Variants in SMYD3 observed in about 807,000 individuals in gnomAD.
SMYD3 encodes the protein histone-lysine N-methyltransferase SMYD3.
A neutral mutation model predicts 57.7 loss-of-function variants in SMYD3; 36 were observed. That is an observed-to-expected ratio of 0.62 (90% CI 0.48 to 0.82). The LOEUF is 0.82. Among genes scored for constraint, SMYD3 ranks in the 40% least tolerant of loss-of-function variants. SMYD3 has a pLI of 0.00. For synonymous variants in SMYD3, 211 were observed against 195.0 expected (o/e 1.08, Z -0.68); for missense variants, 515 against 538.8 (o/e 0.96, Z 0.44).
chr1:246,192,612 T>C (rs1047782586), intron 5 of SMYD3, among the ~76,000 whole-genome samples: 3 of 152,144 alleles, frequency 2.0e-5, no homozygotes, highest in African/African-American at 4.8e-5. Context: ...TACAATAAAA[T>C]AAAATCCAAA....
chr1:246,107,472 G>T (rs1010956899), intron 5 of SMYD3, among the ~76,000 whole-genome samples: 1 of 152,192 alleles, frequency 6.6e-6, no homozygotes, highest in South Asian at 2.1e-4. Flanking sequence ...GAAAAGACTA[G>T]ACTATCAGGT....
chr1:245,823,973 G>C (rs149047175), intron 10 of SMYD3, among the ~76,000 whole-genome samples: 144 of 152,320 alleles, frequency 9.5e-4, no homozygotes, highest in African/African-American at 3.4e-3. Flanking sequence ...TGGCCAGAAT[G>C]ACAGCAGATG....
At chr1:246,232,646 C>T (rs1221910238) in intron 5 of SMYD3, among the ~76,000 whole-genome samples, 1 of 133,088 alleles carries the variant, frequency 7.5e-6, no homozygotes, top group Non-Finnish European at 1.6e-5. Context: ...ACATATTCCA[C>T]ACAGAGGAGA....
chr1:246,490,353 A>T (rs765294714), intron 1 of SMYD3, among the ~76,000 whole-genome samples: 28 of 152,206 alleles, frequency 1.8e-4, no homozygotes, highest in Non-Finnish European at 1.9e-4. Context: ...AATGTCTCAG[A>T]TGTTATCTGC....
chr1:245,867,017 T>C (rs978414664), intron 8 of SMYD3, among the ~76,000 whole-genome samples: 1 of 152,262 alleles, frequency 6.6e-6, no homozygotes, highest in African/African-American at 2.4e-5. Context: ...GTCCACATCC[T>C]GCTCTCCAAA....
At chr1:246,100,439 T>C (rs1187561534) in intron 5 of SMYD3, among the ~76,000 whole-genome samples, 2 of 152,142 alleles carry the variant, frequency 1.3e-5, no homozygotes, top group Admixed American at 1.3e-4. Context: ...CACTGGGCAA[T>C]TACCACACCA....
chr1:246,222,164 A>T (rs2063265618), intron 5 of SMYD3, among the ~76,000 whole-genome samples: 1 of 152,144 alleles, frequency 6.6e-6, no homozygotes, highest in African/African-American at 2.4e-5. Context: ...TGTATTCAGA[A>T]ATCCTGTATA....
At chr1:246,264,804 A>G (rs1404701363) in intron 5 of SMYD3, among the ~76,000 whole-genome samples, 1 of 152,202 alleles carries the variant, frequency 6.6e-6, no homozygotes, top group Admixed American at 6.5e-5. Context: ...ATCTACAAAG[A>G]AAGACAGTGG....
chr1:245,831,312 T>C (rs12752999), intron 10 of SMYD3, among the ~76,000 whole-genome samples: 80,017 of 152,134 alleles, frequency 0.53, 25,151 homozygotes, highest in Non-Finnish European at 0.72. Flanking sequence ...GACATATGCA[T>C]AGCAAGCAAT....
chr1:246,213,937 G>A (rs931933317), intron 5 of SMYD3, among the ~76,000 whole-genome samples: 21 of 152,128 alleles, frequency 1.4e-4, no homozygotes, highest in African/African-American at 3.6e-4. Flanking sequence ...CTGCTATCAA[G>A]AGCTCTGCAG....
At chr1:245,823,641 T>C (rs2049305784) in intron 10 of SMYD3, among the ~76,000 whole-genome samples, 1 of 152,218 alleles carries the variant, frequency 6.6e-6, no homozygotes, top group African/African-American at 2.4e-5. Context: ...GTTGACTCTC[T>C]CTCATCTGTT....
intron 2 of SMYD3, among the ~76,000 whole-genome samples, chr1:246,347,150 TA>T (rs954310053): frequency 1.6e-4 from 23 of 144,164 alleles, no homozygotes; most frequent in Middle Eastern, 3.5e-3. Flanking sequence ...AAAGACTTTA[TA>T]AAAAAAAAAC....
rs150436383 is a variant in SMYD3 at position 245,945,167 on chromosome 1, A to G, written c.532-15230T>C. On this transcript the variant is annotated intron_variant, in intron 5 of 11. Transcript: ENST00000490107. The stretch of plus-strand genomic sequence containing the variant: ...TCTAATTAAAGAGCTTTCGCACAGC[A>G]AAAGAAACTGTCATCAGAGCAAACA... Among the ~76,000 whole-genome samples the G allele has an allele frequency of 2.2e-3, 330 of 152,342 alleles. 2 individuals carry two copies. The highest frequency in any genetic ancestry group is 7.5e-3 in the African/African-American group (311 of 41,576).
intron 11 of SMYD3, among the ~76,000 whole-genome samples, chr1:245,758,626 T>A (rs1388547850): frequency 6.6e-6 from 1 of 152,164 alleles, no homozygotes; most frequent in Non-Finnish European, 1.5e-5. Flanking sequence ...TTATTTTGAT[T>A]ATTATATTTA....
chr1:245,862,654 C>G (rs1301640287), intron 9 of SMYD3, among the ~76,000 whole-genome samples: 1 of 152,182 alleles, frequency 6.6e-6, no homozygotes, highest in Non-Finnish European at 1.5e-5. Context: ...AAACAACACT[C>G]CAGAATGACA....
intron 10 of SMYD3, among the ~76,000 whole-genome samples, chr1:245,769,742 A>T (rs938217561): frequency 6.6e-6 from 1 of 152,234 alleles, no homozygotes; most frequent in African/African-American, 2.4e-5. Context: ...CGTATGAATT[A>T]AATGACCTAA....
In SMYD3 at chr1:246,355,980, C is replaced by A. The variant is rs569375289; in HGVS notation, c.165-886G>T. On this transcript the variant is annotated intron_variant, in intron 1 of 11. Coordinates refer to ENST00000490107, the MANE Select transcript of SMYD3 (RefSeq NM_001167740.2). The surrounding 1 kb of genome is among the most constrained non-coding windows in gnomAD (Gnocchi z 5.0). ...GCAAGTTTGCTTCCTCCCTGTAGGA[C>A]CACAGCTGATGTGTTCCTGAAAGCA... 3.9e-5 allele frequency among the ~76,000 whole-genome samples: 6 copies of A among 152,292 alleles called. No homozygotes were observed. The South Asian group carries it at 1.2e-3, about 32-fold the overall frequency.
intron 5 of SMYD3, chr1:245,956,164 T>C: frequency 1.6e-6 from 1 of 628,310 alleles, no homozygotes; most frequent in Non-Finnish European, 2.0e-6. Context: ...GCAATCCTCC[T>C]GCCTGGGCCT....
chr1:246,092,859 A>T (rs2060845769), intron 5 of SMYD3, among the ~76,000 whole-genome samples: 1 of 152,170 alleles, frequency 6.6e-6, no homozygotes, highest in South Asian at 2.1e-4. Flanking sequence ...TCCATCTGAC[A>T]AGTGATTAAT....
Sources: gnomAD v4.1 joint callset for allele counts (sites outside exome capture counted in the v4.1 genomes callset) on GRCh38, gnomAD v4.1.1 for gene constraint, Gnocchi (gnomAD v3.1) non-coding constraint, MANE v1.5 for transcripts, NCBI Gene and HGNC (gene_info 2026-07-23, HGNC 2026-07-21) for gene names.